MAP4K5: variants seen among roughly 807,000 people sequenced by gnomAD.
MAP4K5 encodes mitogen-activated protein kinase kinase kinase kinase 5.
A neutral mutation model predicts 135.6 loss-of-function variants in MAP4K5; 82 were observed. That is an observed-to-expected ratio of 0.60 (90% CI 0.51 to 0.73). The LOEUF is 0.73. Among genes scored for constraint, MAP4K5 ranks in the 30% least tolerant of loss-of-function variants. The probability of loss-of-function intolerance (pLI) is 0.00; values close to 1 mark genes in which losing one functional copy is unlikely to be tolerated. For synonymous variants in MAP4K5, 347 were observed against 335.0 expected, an observed-to-expected ratio of 1.04 and a Z score of -0.39; for missense variants, 907 against 1,010.9, an observed-to-expected ratio of 0.90 and a Z score of 1.39.
Position 50,486,328 on chromosome 14 carries a change from G to A in MAP4K5, c.167-134C>T, listed in dbSNP as rs1312549991. 2.7e-5 allele frequency: 13 copies of A among 478,736 alleles called. No individual in the cohort carries two copies. The East Asian group carries it at 5.1e-4, about 19-fold the overall frequency. 29.7% of individuals were successfully genotyped at this position (478,736 alleles called of 1,614,324 possible). A position where few individuals can be genotyped will look rare whatever the true frequency, so the allele number is the denominator to read the frequency against. On this transcript the variant is annotated intron_variant, in intron 3 of 32. Coordinates refer to ENST00000682126, the MANE Select transcript of MAP4K5 (RefSeq NM_006575.6). ...AATACTTCAATGAAAATGTAAACTG[G>A]TAGAATCTTTCTATAAAGTCAGAAG... is the stretch of plus-strand genomic sequence containing the variant.
chr14:50,454,689 G>T (rs1317046326), intron 14 of MAP4K5, among the ~76,000 whole-genome samples: 1 of 152,048 alleles, frequency 6.6e-6, no homozygotes, highest in East Asian at 1.9e-4. Context: ...GAATATAAAA[G>T]AACTAAATCT....
At chr14:50,427,800 G>A (rs373207531) in intron 30 of MAP4K5, among the ~76,000 whole-genome samples, 11 of 152,048 alleles carry the variant, frequency 7.2e-5, no homozygotes, top group Non-Finnish European at 1.5e-4. Flanking sequence ...TAAAACATTC[G>A]TTGACAAGGA....
chr14:50,442,137 C>T lies in MAP4K5; in HGVS notation c.1564+595G>A, dbSNP rs535258785. On this transcript the variant is annotated intron_variant, in intron 21 of 32. Coordinates refer to ENST00000682126, the MANE Select transcript of MAP4K5 (RefSeq NM_006575.6). ...TGTTTCCTCACTTCAGAAACATAGT[C>T]TACATTTTAAAAAAGTTATTTTAAC... Among the ~76,000 whole-genome samples, 6 of 151,976 alleles carry T rather than the reference C, an allele frequency of 3.9e-5. No individual in the cohort carries two copies. In the East Asian group the frequency reaches 9.7e-4, roughly 25 times the overall value.
At chr14:50,503,593 T>C (rs1230903920) in intron 3 of MAP4K5, among the ~76,000 whole-genome samples, 1 of 152,076 alleles carries the variant, frequency 6.6e-6, no homozygotes, top group Non-Finnish European at 1.5e-5. Flanking sequence ...TAATTCATTA[T>C]AATGAACTAT....
intron 28 of MAP4K5, among the ~76,000 whole-genome samples, chr14:50,433,794 A>T (rs1480234436): frequency 6.6e-6 from 1 of 152,206 alleles, no homozygotes; most frequent in Non-Finnish European, 1.5e-5. Flanking sequence ...CAGCACAACA[A>T]ACAGGAAACT....
At chr14:50,491,535 G>T (rs1186394773) in intron 3 of MAP4K5, among the ~76,000 whole-genome samples, 2 of 151,808 alleles carry the variant, frequency 1.3e-5, no homozygotes, top group Non-Finnish European at 2.9e-5. Flanking sequence ...GACTTCAGGT[G>T]ATCCACCAGC....
intron 3 of MAP4K5, among the ~76,000 whole-genome samples, chr14:50,497,948 T>C (rs1566679561): frequency 2.0e-5 from 3 of 152,194 alleles, no homozygotes; most frequent in African/African-American, 4.8e-5. Flanking sequence ...GTAATTTTCA[T>C]AAGCTTAAAA....
intron 3 of MAP4K5, among the ~76,000 whole-genome samples, chr14:50,493,949 C>T (rs563140902): frequency 6.6e-6 from 1 of 151,104 alleles, no homozygotes; most frequent in Non-Finnish European, 1.5e-5. Flanking sequence ...GATCATGCCA[C>T]CGCACTCCAG....
At chr14:50,510,883 A>C (rs547420019) in intron 2 of MAP4K5, among the ~76,000 whole-genome samples, 12 of 152,316 alleles carry the variant, frequency 7.9e-5, no homozygotes, top group Non-Finnish European at 1.5e-4. Context: ...AAACCTTGAT[A>C]CTTTGGCAGT....
chr14:50,516,735 G>C (rs1566690117), intron 2 of MAP4K5, among the ~76,000 whole-genome samples: 2 of 152,094 alleles, frequency 1.3e-5, no homozygotes, highest in African/African-American at 2.4e-5. Flanking sequence ...TTGTATAAAG[G>C]CTTTTCTGCG....
chr14:50,525,929 A>T (rs2038254507), intron 2 of MAP4K5, among the ~76,000 whole-genome samples: 1 of 152,214 alleles, frequency 6.6e-6, no homozygotes, highest in Non-Finnish European at 1.5e-5. Context: ...CTGCCAGAAA[A>T]TAGCCTCTAT....
chr14:50,530,874 A>T (rs1009141958), intron 2 of MAP4K5, among the ~76,000 whole-genome samples: 4 of 152,210 alleles, frequency 2.6e-5, no homozygotes, highest in Admixed American at 2.6e-4. Flanking sequence ...ATTAGGAGGA[A>T]ATTAAAAGTA....
chr14:50,555,260 C>T (rs2038751514), intron 1 of MAP4K5, among the ~76,000 whole-genome samples: 1 of 88,888 alleles, frequency 1.1e-5, no homozygotes, highest in African/African-American at 3.6e-5. Flanking sequence ...TTAGTTCCTT[C>T]ATTTTTGTTT....
chr14:50,518,106 C>T (rs1346147508), intron 2 of MAP4K5, among the ~76,000 whole-genome samples: 1 of 152,030 alleles, frequency 6.6e-6, no homozygotes, highest in Non-Finnish European at 1.5e-5. Flanking sequence ...TTTTCTCTAG[C>T]AATTAAAACG....
chr14:50,527,458 A>G (rs1054805319), intron 2 of MAP4K5, among the ~76,000 whole-genome samples: 1 of 152,174 alleles, frequency 6.6e-6, no homozygotes, highest in African/African-American at 2.4e-5. Flanking sequence ...ACGACTAGGG[A>G]AAATGCTGGT....
Position 50,434,444 on chromosome 14 carries a change from TCAAACTGAAC to T in MAP4K5, c.2104_2113del (p.Val702ArgfsTer5). On this transcript the variant is annotated frameshift_variant, in exon 28 of 33. Transcript: ENST00000682126. LOFTEE classifies it high-confidence loss of function. ...AGATGCAGAGTTCAAATTGATTGTC[TCAAACTGAAC>T]TACCTGATTCGATTCAGTGCCTTTG... The T allele has an allele frequency of 6.2e-7, 1 of 1,610,174 alleles. No individual in the cohort carries two copies. The highest frequency in any genetic ancestry group is 8.5e-7 in the Non-Finnish European group (1 of 1,178,174).
At chr14:50,529,771 A>G (rs969753913) in intron 2 of MAP4K5, among the ~76,000 whole-genome samples, 1 of 152,154 alleles carries the variant, frequency 6.6e-6, no homozygotes, top group East Asian at 1.9e-4. Flanking sequence ...TGAAGGGGAG[A>G]CATTACGAAG....
intron 5 of MAP4K5, among the ~76,000 whole-genome samples, chr14:50,485,112 A>G (rs1277612275): frequency 2.0e-5 from 3 of 152,126 alleles, no homozygotes; most frequent in Non-Finnish European, 4.4e-5. Flanking sequence ...TCAACTCAGG[A>G]AACTGCCTAA....
chr14:50,499,237 A>G (rs2037656743), intron 3 of MAP4K5, among the ~76,000 whole-genome samples: 2 of 152,236 alleles, frequency 1.3e-5, no homozygotes. Flanking sequence ...GGGGGAAAAA[A>G]GAGTACAGGA....
Sources: gnomAD v4.1 joint callset for allele counts (sites outside exome capture counted in the v4.1 genomes callset) on GRCh38, gnomAD v4.1.1 for gene constraint, MANE v1.5 for transcripts, NCBI Gene and HGNC (gene_info 2026-07-23, HGNC 2026-07-21) for gene names.